The following WNT3A variants were observed in gnomAD, a reference collection of about 807,000 sequenced individuals.
The protein encoded by WNT3A is Wnt family member 3A, also known as protein Wnt-3a.
A neutral mutation model predicts 37.0 loss-of-function variants in WNT3A; 17 were observed. The ratio of observed to expected loss-of-function variants is 0.46; its 90% confidence interval spans 0.31 to 0.69. WNT3A has a LOEUF of 0.69. Among genes scored for constraint, WNT3A ranks in the 30% least tolerant of loss-of-function variants. The pLI is 0.05. For missense variants in WNT3A, 411 were observed against 510.2 expected (o/e 0.81, Z 1.87); for synonymous variants, 187 against 211.0 (o/e 0.89, Z 0.99).
chr1:228,047,937 T>C (rs879762876), intron 2 of WNT3A, among the ~76,000 whole-genome samples: 48 of 152,182 alleles, frequency 3.2e-4, no homozygotes, highest in Non-Finnish European at 4.7e-4. Context: ...ACCCCAGCCC[T>C]GGAGATCACA....
chr1:228,022,020 G>A (rs1417334138), intron 1 of WNT3A, among the ~76,000 whole-genome samples: 1 of 152,192 alleles, frequency 6.6e-6, no homozygotes, highest in Non-Finnish European at 1.5e-5. Flanking sequence ...GGCAGGTCAG[G>A]GTCCTGGCCT....
chr1:228,017,915 G>A (rs968285437), intron 1 of WNT3A, among the ~76,000 whole-genome samples: 1 of 152,126 alleles, frequency 6.6e-6, no homozygotes, highest in Admixed American at 6.5e-5. Context: ...AAAGTGAGAG[G>A]GAGTATCTGC....
Position 228,059,393 on chromosome 1 carries a change from C to T in WNT3A, c.987C>T (p.Cys329=), listed in dbSNP as rs769706081. Residue 329 remains cysteine (C), a synonymous_variant, in exon 4 of 4, where the codon TGC becomes TGT. Transcript: ENST00000284523. ...RAERRREKCR[C]VFHWCCYVSC... is the part of the protein sequence containing the mutation. ...AGCGGCGCCGGGAGAAGTGCCGCTG[C>T]GTGTTCCACTGGTGCTGCTACGTCA... 4 of 1,561,104 alleles carry T rather than the reference C, an allele frequency of 2.6e-6. No individual in the cohort carries two copies. Among genetic ancestry groups the T allele is most frequent in the Non-Finnish European group, 3.5e-6 (4 of 1,157,660 alleles).
intron 2 of WNT3A, among the ~76,000 whole-genome samples, chr1:228,040,204 G>C (rs908020455): frequency 5.9e-5 from 9 of 152,214 alleles, no homozygotes; most frequent in Non-Finnish European, 1.3e-4. Context: ...GGACCCCTCT[G>C]TCTGGGCTCT....
chr1:228,016,950 G>A (rs12747212), intron 1 of WNT3A, among the ~76,000 whole-genome samples: 6,584 of 152,220 alleles, frequency 0.043, 187 homozygotes, highest in Middle Eastern at 0.085. Flanking sequence ...AATGGGTGGG[G>A]CCCACTAGGC....
At chr1:228,011,586 GTCTC>G (rs1558283146) in intron 1 of WNT3A, among the ~76,000 whole-genome samples, 1 of 152,022 alleles carries the variant, frequency 6.6e-6, no homozygotes, top group Admixed American at 6.5e-5. Flanking sequence ...CTCTGTGTCT[GTCTC>G]TCTCTTTCAG....
rs957666567 is a variant in WNT3A at position 228,031,932 on chromosome 1, G to A, written c.313+9024G>A. Among the ~76,000 whole-genome samples, 3 of 152,174 alleles carry A rather than the reference G, an allele frequency of 2.0e-5. No individual in the cohort carries two copies. Among genetic ancestry groups the A allele is most frequent in the South Asian group, 2.1e-4 (1 of 4,836 alleles). ...ACTCCCCCTCTGAGAAGGAAGCAGC[G>A]ATTTTAGGAAGAAAGCAGGAAGCCT... On this transcript the variant is annotated intron_variant, in intron 2 of 3. Coordinates refer to ENST00000284523, the MANE Select transcript of WNT3A (RefSeq NM_033131.4). This position sits in a 1 kb window ranked among gnomAD's most constrained non-coding sequence, Gnocchi z 4.8.
chr1:228,060,054 C>G lies in WNT3A; in HGVS notation c.*589C>G. On this transcript the variant is annotated 3_prime_UTR_variant, in exon 4 of 4. Transcript: ENST00000284523. ...CAGGGCAAGGCCCCTTCCACGGGGGCTGTGGCTCTGGGTGGGCGTGGCCTG... is the reference window on the plus strand; with the variant it reads ...CAGGGCAAGGCCCCTTCCACGGGGGGTGTGGCTCTGGGTGGGCGTGGCCTG... 2.5e-6 allele frequency: 3 copies of G among 1,191,498 alleles called. No individual in the cohort carries two copies. Among genetic ancestry groups the G allele is most frequent in the Non-Finnish European group, 3.2e-6 (3 of 941,960 alleles). The allele number at this position is 1,191,498 out of a possible 1,614,324, so 73.8% of individuals were successfully genotyped here.
rs888802719 is a variant in WNT3A at position 228,060,438 on chromosome 1, C to A, written c.*973C>A. The stretch of plus-strand genomic sequence containing the variant: ...CCTGGGGTTTGACCACCCACCTGAC[C>A]AGGGGCCCTACCTGGGGAAAGCCTG... On this transcript the variant is annotated 3_prime_UTR_variant, in exon 4 of 4. Coordinates refer to ENST00000284523, the MANE Select transcript of WNT3A (RefSeq NM_033131.4). 8.7e-6 allele frequency: 5 copies of A among 577,820 alleles called. No individual in the cohort carries two copies. The African/African-American group carries it at 9.9e-5, about 11-fold the overall frequency. The allele number at this position is 577,820 out of a possible 1,614,324, so 35.8% of individuals were successfully genotyped here. A position where few individuals can be genotyped will look rare whatever the true frequency, so the allele number is the denominator to read the frequency against.
At chr1:228,014,901 C>T (rs1327158027) in intron 1 of WNT3A, among the ~76,000 whole-genome samples, 1 of 152,190 alleles carries the variant, frequency 6.6e-6, no homozygotes, top group Non-Finnish European at 1.5e-5. Flanking sequence ...TGACTTTGGC[C>T]ACAGGCGGAA....
At position 228,039,509 on chromosome 1, in the gene WNT3A, G is replaced by C. The variant is rs145208591; in HGVS notation, c.314-11147G>C. Among the ~76,000 whole-genome samples the C allele has an allele frequency of 3.6e-3, 554 of 152,298 alleles. 11 individuals carry two copies. The highest frequency in any genetic ancestry group is 0.03 in the East Asian group (155 of 5,172). ...CTGGCAGGCTCCTGTTCAGGGTCTT[G>C]TCCAGGGTCCCATAGAGCCCTTACA... On this transcript the variant is annotated intron_variant, in intron 2 of 3. Transcript: ENST00000284523. The surrounding 1 kb of genome is among the most constrained non-coding windows in gnomAD (Gnocchi z 4.1).
In WNT3A at chr1:228,039,665, A is replaced by G. The variant is rs569128264; in HGVS notation, c.314-10991A>G. ...TCAGAATCACTGGAGACCCTTTAAG[A>G]TATAGGTGCCCCCCACCCCAGTTGA... On this transcript the variant is annotated intron_variant, in intron 2 of 3. Transcript: ENST00000284523. This position sits in a 1 kb window ranked among gnomAD's most constrained non-coding sequence, Gnocchi z 4.1. Among the ~76,000 whole-genome samples the G allele has an allele frequency of 1.9e-3, 291 of 152,214 alleles. No individual in the cohort carries two copies. The highest frequency in any genetic ancestry group is 6.7e-3 in the African/African-American group (278 of 41,542).
intron 2 of WNT3A, among the ~76,000 whole-genome samples, chr1:228,024,615 T>A (rs540044424): frequency 6.6e-6 from 1 of 152,210 alleles, no homozygotes; most frequent in South Asian, 2.1e-4. Context: ...ATCGTGTAGG[T>A]TTTTTTCATT....
chr1:228,057,007 A>G (rs955565045), intron 3 of WNT3A, among the ~76,000 whole-genome samples: 1 of 151,726 alleles, frequency 6.6e-6, no homozygotes, highest in African/African-American at 2.4e-5. Context: ...CTTTTCTGGG[A>G]AAAAAAAATC....
At chr1:228,035,825 C>T (rs1231370594) in intron 2 of WNT3A, among the ~76,000 whole-genome samples, 1 of 152,196 alleles carries the variant, frequency 6.6e-6, no homozygotes, top group Non-Finnish European at 1.5e-5. Flanking sequence ...CACTTACCTC[C>T]CCTGGACCCT....
At position 228,007,151 on chromosome 1, in the gene WNT3A, T is replaced by C; in HGVS notation, c.23T>C (p.Leu8Ser). 3 of 1,601,540 alleles carry C rather than the reference T, an allele frequency of 1.9e-6. No individual in the cohort carries two copies. The highest frequency in any genetic ancestry group is 2.6e-6 in the Non-Finnish European group (3 of 1,174,512). MAPLGYFLLLCSLKQALG... is the reference protein window; with the variant it reads MAPLGYFSLLCSLKQALG... ...GCGATGGCCCCACTCGGATACTTCT[T>C]ACTCCTCTGCAGCCTGAAGCAGGCT... Residue 8 changes from leucine (L) to serine (S), a missense_variant, in exon 1 of 4, where the codon TTA becomes TCA. By Grantham distance (145) the Leu-to-Ser change is moderately radical (BLOSUM62 -2). Coordinates refer to ENST00000284523, the MANE Select transcript of WNT3A (RefSeq NM_033131.4). This position sits in a 1 kb window ranked among gnomAD's most constrained non-coding sequence, Gnocchi z 6.0.
At chr1:228,024,905 C>T (rs1398638957) in intron 2 of WNT3A, among the ~76,000 whole-genome samples, 1 of 152,032 alleles carries the variant, frequency 6.6e-6, no homozygotes, top group Non-Finnish European at 1.5e-5. Flanking sequence ...GTTCTTTTTC[C>T]CATCAAATGG....
intron 1 of WNT3A, among the ~76,000 whole-genome samples, chr1:228,009,685 A>G (rs2030314304): frequency 6.6e-6 from 1 of 152,196 alleles, no homozygotes; most frequent in African/African-American, 2.4e-5. Context: ...TGAAAGTGAA[A>G]GTGAAGGGGA....
intron 2 of WNT3A, among the ~76,000 whole-genome samples, chr1:228,035,722 G>A (rs1299892819): frequency 7.2e-5 from 11 of 152,170 alleles, no homozygotes; most frequent in Admixed American, 3.9e-4. Context: ...GTTGGGGCGG[G>A]GAGCCCCCAT....
Sources: allele counts gnomAD v4.1 joint callset (sites outside exome capture counted in the v4.1 genomes callset), GRCh38; gene constraint gnomAD v4.1.1; non-coding constraint Gnocchi (gnomAD v3.1); transcripts MANE v1.5; gene names NCBI Gene and HGNC (gene_info 2026-07-23, HGNC 2026-07-21).